The following CHN2 variants were observed in gnomAD, a reference collection of about 807,000 sequenced individuals.
CHN2 encodes chimerin 2, also known as beta-chimaerin.
In CHN2, 35 loss-of-function variants were observed where a neutral mutation model predicts 56.3. That is an observed-to-expected ratio of 0.62 (90% CI 0.47 to 0.82). The LOEUF (loss-of-function observed/expected upper bound fraction) is 0.82, where lower values mean the gene tolerates loss of function less well. Among genes scored for constraint, CHN2 ranks in the 40% least tolerant of loss-of-function variants. CHN2 has a pLI of 0.00. For missense variants in CHN2, 491 were observed against 580.5 expected (o/e 0.85, Z 1.58); for synonymous variants, 210 against 212.8 (o/e 0.99, Z 0.12).
At chr7:29,509,735 C>G (rs1463392397) in intron 12 of CHN2, 1 of 190,812 alleles carries the variant, frequency 5.2e-6, no homozygotes, top group East Asian at 1.5e-4. Context: ...GTCCCAGCCA[C>G]TTGGGAGGCT....
At chr7:29,388,746 C>G (rs1313114479) in intron 3 of CHN2, among the ~76,000 whole-genome samples, 2 of 152,138 alleles carry the variant, frequency 1.3e-5, no homozygotes. Flanking sequence ...CACTTATGGC[C>G]TCATCTGGTT....
intron 1 of CHN2, among the ~76,000 whole-genome samples, chr7:29,205,977 T>C (rs1365169089): frequency 6.6e-6 from 1 of 152,126 alleles, no homozygotes; most frequent in Non-Finnish European, 1.5e-5. Context: ...TTCCCCATCA[T>C]ATTTCATTCC....
At chr7:29,288,737 A>C (rs781689425) in intron 1 of CHN2, 2 of 152,272 alleles carry the variant, frequency 1.3e-5, no homozygotes, top group Non-Finnish European at 2.9e-5. Flanking sequence ...ATGGAGACAA[A>C]GCAAATAAGT....
chr7:29,292,947 G>C, intron 1 of CHN2: 1 of 456,226 alleles, frequency 2.2e-6, no homozygotes, highest in Non-Finnish European at 4.4e-6. Flanking sequence ...CCAGAAGCCC[G>C]AGAGAGCTTC....
chr7:29,415,530 G>A lies in CHN2; in HGVS notation c.576+14702G>A, dbSNP rs569619778. Among the ~76,000 whole-genome samples, 16 of 152,344 alleles carry A rather than the reference G, an allele frequency of 1.1e-4. No homozygotes were observed. The South Asian group carries it at 3.1e-3, about 30-fold the overall frequency. On this transcript the variant is annotated intron_variant, in intron 6 of 12. Coordinates refer to ENST00000222792, the MANE Select transcript of CHN2 (RefSeq NM_004067.4). ...AACAAAAACAAAACAGGCCATGCCT[G>A]GCAGAGAAGGCCCTTCTAAGGAAGG...
chr7:29,370,743 C>G (rs532066099), intron 3 of CHN2, among the ~76,000 whole-genome samples: 29 of 152,260 alleles, frequency 1.9e-4, no homozygotes, highest in African/African-American at 6.3e-4. Context: ...AACAGTGTCC[C>G]TCTAAGGTAT....
chr7:29,228,336 T>C (rs1241983833), intron 1 of CHN2, among the ~76,000 whole-genome samples: 1 of 152,184 alleles, frequency 6.6e-6, no homozygotes, highest in African/African-American at 2.4e-5. Context: ...CACGTTTAGA[T>C]ACACAAATAC....
intron 6 of CHN2, among the ~76,000 whole-genome samples, chr7:29,467,515 A>C (rs1785638468): frequency 6.6e-6 from 1 of 152,200 alleles, no homozygotes; most frequent in African/African-American, 2.4e-5. Context: ...AACCTGGGCA[A>C]ATCAGCAGGA....
intron 4 of CHN2, among the ~76,000 whole-genome samples, chr7:29,395,963 A>G (rs1216057622): frequency 6.6e-6 from 1 of 152,344 alleles, no homozygotes; most frequent in Middle Eastern, 3.4e-3. Context: ...TGTTCCTAAC[A>G]TAAACAATAA....
intron 1 of CHN2, among the ~76,000 whole-genome samples, chr7:29,300,544 G>A (rs1426196390): frequency 1.3e-5 from 2 of 151,998 alleles, no homozygotes; most frequent in Non-Finnish European, 2.9e-5. Flanking sequence ...TTCTAATTGT[G>A]CTCAAAATAG....
At chr7:29,314,961 A>T (rs1229646077) in intron 1 of CHN2, among the ~76,000 whole-genome samples, 4 of 152,086 alleles carry the variant, frequency 2.6e-5, no homozygotes, top group Non-Finnish European at 4.4e-5. Flanking sequence ...TCCAAGTGCC[A>T]CCAAATCCCT....
At chr7:29,429,305 A>G (rs1293495650) in intron 6 of CHN2, among the ~76,000 whole-genome samples, 1 of 152,260 alleles carries the variant, frequency 6.6e-6, no homozygotes, top group African/African-American at 2.4e-5. Flanking sequence ...CAAGTAAGTA[A>G]AAGAAGAGAT....
Position 29,499,936 on chromosome 7 carries a change from G to C in CHN2, c.809G>C (p.Arg270Thr). ...AATGACTGCCAACCTGATCTCAAGA[G>C]GATCAAGAAAGTGTACTGTTGTGAC... is the stretch of plus-strand genomic sequence containing the variant. Reference protein sequence around the residue: ...VPNDCQPDLKRIKKVYCCDLT... With the variant: ...VPNDCQPDLKTIKKVYCCDLT... Residue 270 changes from arginine to threonine, a missense_variant, in exon 9 of 13, where the codon AGG becomes ACG. By Grantham distance (71) the Arg-to-Thr change is moderately conservative (BLOSUM62 -1). Transcript: ENST00000222792. 6.2e-7 allele frequency: 1 copy of C among 1,612,762 alleles called. No individual in the cohort carries two copies. Among genetic ancestry groups the C allele is most frequent in the South Asian group, 1.1e-5 (1 of 90,788 alleles).
chr7:29,463,549 A>T (rs910741042), intron 6 of CHN2, among the ~76,000 whole-genome samples: 5 of 152,176 alleles, frequency 3.3e-5, no homozygotes, highest in Non-Finnish European at 7.3e-5. Context: ...CTGTGGACTC[A>T]GATTGTTTAA....
intron 2 of CHN2, among the ~76,000 whole-genome samples, chr7:29,358,382 C>T (rs185203923): frequency 1.3e-3 from 190 of 151,942 alleles, no homozygotes; most frequent in African/African-American, 4.3e-3. Flanking sequence ...TGTGCAACAG[C>T]GAGACCCTGT....
chr7:29,249,067 C>T (rs1029193258), intron 1 of CHN2, among the ~76,000 whole-genome samples: 3 of 152,140 alleles, frequency 2.0e-5, no homozygotes, highest in Non-Finnish European at 4.4e-5. Context: ...AGCTAGCTAG[C>T]TGGATAGATA....
At chr7:29,198,191 T>C (rs564705728) in intron 1 of CHN2, among the ~76,000 whole-genome samples, 1 of 152,228 alleles carries the variant, frequency 6.6e-6, no homozygotes. Context: ...AAGGAACAGT[T>C]AATTCTGTAG....
At chr7:29,152,024 A>C (rs1326255264) in intron 2 of CHN2, among the ~76,000 whole-genome samples, 1 of 152,178 alleles carries the variant, frequency 6.6e-6, no homozygotes, top group Non-Finnish European at 1.5e-5. Context: ...TTCGAATGGA[A>C]ATAGTGGTTA....
chr7:29,461,657 A>G (rs771777452), intron 6 of CHN2, among the ~76,000 whole-genome samples: 18 of 152,250 alleles, frequency 1.2e-4, no homozygotes, highest in Non-Finnish European at 2.5e-4. Flanking sequence ...TAGGCTGCCA[A>G]CACTTCTTCT....
Sources: gnomAD v4.1 joint callset for allele counts (sites outside exome capture counted in the v4.1 genomes callset) on GRCh38, gnomAD v4.1.1 for gene constraint, MANE v1.5 for transcripts, NCBI Gene and HGNC (gene_info 2026-07-23, HGNC 2026-07-21) for gene names.